The following CACHD1 variants were observed in gnomAD, a reference collection of about 807,000 sequenced individuals.
The protein encoded by CACHD1 is VWFA and cache domain-containing protein 1.
Under a neutral mutation model 138.7 loss-of-function variants are expected in CACHD1, and 71 were observed. The ratio of observed to expected loss-of-function variants is 0.51; its 90% CI spans 0.42 to 0.62. CACHD1 has a LOEUF of 0.62. CACHD1 is among the 20% of genes least tolerant of loss of function. The probability of loss-of-function intolerance (pLI) is 0.00; values close to 1 mark genes in which losing one functional copy is unlikely to be tolerated. For synonymous variants in CACHD1, 578 were observed against 591.5 expected, an observed-to-expected ratio of 0.98 and a Z score of 0.33; for missense variants, 1,389 against 1,625.3, an observed-to-expected ratio of 0.85 and a Z score of 2.50.
At chr1:64,685,545 C>T (rs923373137) in intron 26 of CACHD1, among the ~76,000 whole-genome samples, 8 of 152,142 alleles carry the variant, frequency 5.3e-5, no homozygotes, top group African/African-American at 1.9e-4. Context: ...TTGAAGCCTA[C>T]TTCTCCCCCT....
chr1:64,629,709 A>T (rs1325638056), intron 5 of CACHD1, among the ~76,000 whole-genome samples: 1 of 152,098 alleles, frequency 6.6e-6, no homozygotes, highest in Non-Finnish European at 1.5e-5. Flanking sequence ...TGCCAAATAT[A>T]AAAAGGTACT....
chr1:64,607,911 T>G (rs1014443076), intron 4 of CACHD1, among the ~76,000 whole-genome samples: 1 of 152,114 alleles, frequency 6.6e-6, no homozygotes, highest in Non-Finnish European at 1.5e-5. Context: ...GTTACTGAGG[T>G]TTAGACTGAA....
chr1:64,555,978 A>G (rs1646794070), intron 2 of CACHD1, among the ~76,000 whole-genome samples: 1 of 152,152 alleles, frequency 6.6e-6, no homozygotes, highest in South Asian at 2.1e-4. Context: ...CCAGTACCAC[A>G]TTATCTTAGT....
At chr1:64,481,020 G>C (rs915736574) in intron 1 of CACHD1, among the ~76,000 whole-genome samples, 13 of 151,962 alleles carry the variant, frequency 8.6e-5, no homozygotes, top group African/African-American at 2.7e-4. Context: ...TGAGTTCAAA[G>C]GTAGCTTTCT....
At chr1:64,627,131 G>A (rs1648124688) in intron 4 of CACHD1, among the ~76,000 whole-genome samples, 3 of 152,180 alleles carry the variant, frequency 2.0e-5, no homozygotes, top group Non-Finnish European at 4.4e-5. Flanking sequence ...TCAGGGCTGG[G>A]CATGGTGGCT....
rs11806599 is a variant in CACHD1 at position 64,542,053 on chromosome 1, T to C, written c.199-8541T>C. On this transcript the variant is annotated intron_variant, in intron 1 of 26. Coordinates refer to ENST00000651257, the MANE Select transcript of CACHD1 (RefSeq NM_020925.4). ...TAACTATAGTAAAATAGAATAATAG[T>C]AGATAACTATCATAATGGTGTGTGA... Among the ~76,000 whole-genome samples, 1,001 of 152,252 alleles carry C rather than the reference T, an allele frequency of 6.6e-3. 12 individuals carry two copies. Among genetic ancestry groups the C allele is most frequent in the African/African-American group, 0.023 (949 of 41,504 alleles).
In CACHD1 at chr1:64,477,470, G is replaced by A. The variant is rs1646180202; in HGVS notation, c.198+6528G>A. On this transcript the variant is annotated intron_variant, in intron 1 of 26. Transcript: ENST00000651257. ...CAAAGATTTAAAAACATATACAAAA[G>A]TAAATAAAATAGCATATGAATATCC... Among the ~76,000 whole-genome samples the A allele has an allele frequency of 2.0e-5, 3 of 152,012 alleles. No homozygotes were observed. In the South Asian group the frequency reaches 6.2e-4, roughly 32 times the overall value.
intron 3 of CACHD1, among the ~76,000 whole-genome samples, chr1:64,602,470 A>AT (rs10694627): frequency 0.059 from 7,394 of 125,178 alleles, 757 homozygotes; most frequent in African/African-American, 0.2. Context: ...CTCCCATCTG[A>AT]TTTTTTTTTT....
At chr1:64,675,658 G>T in intron 20 of CACHD1, 97 bp downstream of exon 20, 1 of 1,412,840 alleles carries the variant, frequency 7.1e-7, no homozygotes, top group African/African-American at 1.4e-5. Context: ...AGAAAGTGCT[G>T]GTGTGTGTCC....
intron 1 of CACHD1, among the ~76,000 whole-genome samples, chr1:64,529,643 A>T (rs1238857031): frequency 6.6e-6 from 1 of 152,218 alleles, no homozygotes; most frequent in Non-Finnish European, 1.5e-5. Flanking sequence ...AGTCCTATGA[A>T]GTGGAAGGGA....
chr1:64,563,902 T>A (rs1265168534), intron 2 of CACHD1: 1 of 152,186 alleles, frequency 6.6e-6, no homozygotes, highest in African/African-American at 2.4e-5. Flanking sequence ...ATAAAAGTTG[T>A]TTAAAAGATT....
chr1:64,483,701 A>G (rs904873313), intron 1 of CACHD1, among the ~76,000 whole-genome samples: 10 of 150,912 alleles, frequency 6.6e-5, no homozygotes, highest in Admixed American at 5.3e-4. Flanking sequence ...AAAAAAAAAA[A>G]AAGTGCCAAG....
chr1:64,671,771 A>T, intron 17 of CACHD1, 85 bp downstream of exon 17: 8 of 1,509,058 alleles, frequency 5.3e-6, no homozygotes, highest in Non-Finnish European at 7.3e-6. Context: ...GGAACCGCAT[A>T]GTTATGGTCA....
At position 64,667,768 on chromosome 1, in the gene CACHD1, G is replaced by C. The variant is rs545653666; in HGVS notation, c.2387+1601G>C. Among the ~76,000 whole-genome samples, 160 of 152,286 alleles carry C rather than the reference G, an allele frequency of 1.1e-3. 1 individual carries two copies. Among genetic ancestry groups the C allele is most frequent in the African/African-American group, 3.7e-3 (155 of 41,560 alleles). On this transcript the variant is annotated intron_variant, in intron 16 of 26. Coordinates refer to ENST00000651257, the MANE Select transcript of CACHD1 (RefSeq NM_020925.4). The stretch of plus-strand genomic sequence containing the variant: ...TTATAGTGCAGGGAATCAAAACCCA[G>C]GTGTGCCTTAGTCATTAGGTGACCC...
chr1:64,472,074 T>C (rs1350978519), intron 1 of CACHD1, among the ~76,000 whole-genome samples: 1 of 152,210 alleles, frequency 6.6e-6, no homozygotes, highest in Admixed American at 6.5e-5. Context: ...TTTCCAAGAA[T>C]GCGTTCTTGG....
intron 7 of CACHD1, among the ~76,000 whole-genome samples, chr1:64,636,613 C>T (rs564374367): frequency 5.5e-4 from 83 of 152,252 alleles, no homozygotes; most frequent in African/African-American, 2.0e-3. Context: ...CTGTAAAACT[C>T]ATTTCATTTA....
chr1:64,482,458 A>G (rs1267859479), intron 1 of CACHD1, among the ~76,000 whole-genome samples: 1 of 152,166 alleles, frequency 6.6e-6, no homozygotes, highest in Non-Finnish European at 1.5e-5. Flanking sequence ...ACTGCAGGAG[A>G]CAGCCAGTGC....
intron 1 of CACHD1, among the ~76,000 whole-genome samples, chr1:64,527,366 G>A (rs981157375): frequency 3.3e-5 from 5 of 152,184 alleles, no homozygotes; most frequent in African/African-American, 1.2e-4. Flanking sequence ...TCTCTTTGAT[G>A]TGAGCTCTCA....
chr1:64,531,647 A>G (rs1441942237), intron 1 of CACHD1, among the ~76,000 whole-genome samples: 1 of 152,152 alleles, frequency 6.6e-6, no homozygotes, highest in Non-Finnish European at 1.5e-5. Flanking sequence ...GAAAGAACCA[A>G]TATCTACCTA....
Sources: allele counts gnomAD v4.1 joint callset (sites outside exome capture counted in the v4.1 genomes callset), GRCh38; gene constraint gnomAD v4.1.1; transcripts MANE v1.5; gene names NCBI Gene and HGNC (gene_info 2026-07-23, HGNC 2026-07-21).